The following TULP3 variants were observed in gnomAD, a reference collection of about 807,000 sequenced individuals.
The protein encoded by TULP3 is tubby-related protein 3.
A neutral mutation model predicts 50.7 loss-of-function variants in TULP3; 38 were observed. The ratio of observed to expected loss-of-function variants is 0.75; its 90% CI spans 0.58 to 0.98. The LOEUF (loss-of-function observed/expected upper bound fraction) is 0.98, where lower values mean the gene tolerates loss of function less well. TULP3 is among the 50% of genes least tolerant of loss of function. The pLI is 0.00. For missense variants in TULP3, 550 were observed against 568.0 expected, an observed-to-expected ratio of 0.97 and a Z score of 0.32; for synonymous variants, 183 against 196.6, an observed-to-expected ratio of 0.93 and a Z score of 0.58.
At chr12:2,910,546 ATACAT>A (rs1424787988) in intron 2 of TULP3, among the ~76,000 whole-genome samples, 3 of 152,180 alleles carry the variant, frequency 2.0e-5, no homozygotes, top group Non-Finnish European at 4.4e-5. Flanking sequence ...TATACCCAAC[ATACAT>A]TGCATTTATA....
chr12:2,929,186 G>T (rs1430183760), intron 4 of TULP3, among the ~76,000 whole-genome samples: 2 of 151,884 alleles, frequency 1.3e-5, no homozygotes, highest in Non-Finnish European at 2.9e-5. Flanking sequence ...GCATGGTGGC[G>T]CGCGCCTGTA....
At chr12:2,910,064 A>T (rs2098184585) in intron 2 of TULP3, among the ~76,000 whole-genome samples, 2 of 152,152 alleles carry the variant, frequency 1.3e-5, no homozygotes, top group South Asian at 4.1e-4. Context: ...AGGCCGAGGC[A>T]GGCAGATCAC....
At chr12:2,894,660 C>T (rs550068868) in intron 1 of TULP3, among the ~76,000 whole-genome samples, 28 of 152,054 alleles carry the variant, frequency 1.8e-4, no homozygotes, top group Non-Finnish European at 3.5e-4. Context: ...CTTTGGGAGG[C>T]GGAGGTGGGC....
At chr12:2,936,570 C>T (rs896264893) in intron 8 of TULP3, among the ~76,000 whole-genome samples, 13 of 148,950 alleles carry the variant, frequency 8.7e-5, no homozygotes, top group Middle Eastern at 3.2e-3. Context: ...GGAGAAACCC[C>T]GTCTCGACTA....
At chr12:2,894,977 A>G (rs1223453527) in intron 1 of TULP3, among the ~76,000 whole-genome samples, 2 of 152,220 alleles carry the variant, frequency 1.3e-5, no homozygotes, top group African/African-American at 2.4e-5. Flanking sequence ...ACCCCTGAGA[A>G]GGGAGAATTG....
chr12:2,898,480 C>T (rs536294444), intron 1 of TULP3, among the ~76,000 whole-genome samples: 8 of 152,128 alleles, frequency 5.3e-5, no homozygotes, highest in African/African-American at 1.7e-4. Context: ...TCCTTTTCTG[C>T]GAAGGTCTTA....
At chr12:2,901,692 A>C (rs573518229) in intron 1 of TULP3, among the ~76,000 whole-genome samples, 1 of 152,090 alleles carries the variant, frequency 6.6e-6, no homozygotes, top group South Asian at 2.1e-4. Flanking sequence ...TCCAATTTTT[A>C]GTTAGGTTGT....
chr12:2,938,355 C>CCAT, intron 10 of TULP3, 70 bp downstream of exon 10: 4 of 1,503,824 alleles, frequency 2.7e-6, no homozygotes, highest in Non-Finnish European at 3.6e-6. Flanking sequence ...ATGCACATTC[C>CCAT]CTGTACATGA....
intron 2 of TULP3, among the ~76,000 whole-genome samples, chr12:2,917,133 C>T (rs1011027273): frequency 2.0e-5 from 3 of 152,154 alleles, no homozygotes; most frequent in Non-Finnish European, 4.4e-5. Flanking sequence ...ATAAAGGGAG[C>T]TCTACTCTTT....
intron 2 of TULP3, among the ~76,000 whole-genome samples, chr12:2,914,363 A>T (rs963362731): frequency 6.6e-6 from 1 of 152,020 alleles, no homozygotes; most frequent in Non-Finnish European, 1.5e-5. Context: ...ACCTCAGGTG[A>T]TCTGCTCGCC....
At chr12:2,908,675 C>T (rs1174861398) in intron 1 of TULP3, among the ~76,000 whole-genome samples, 1 of 152,168 alleles carries the variant, frequency 6.6e-6, no homozygotes, top group Admixed American at 6.6e-5. Context: ...CTGCCTTGAC[C>T]TCCCAAAGTG....
At position 2,940,769 on chromosome 12, in the gene TULP3, C is replaced by A; in HGVS notation, c.*1325C>A. The A allele has an allele frequency of 6.7e-7, 1 of 1,495,370 alleles. No homozygotes were observed. The highest frequency in any genetic ancestry group is 1.3e-5 in the South Asian group (1 of 78,044). 92.6% of individuals were successfully genotyped at this position (1,495,370 alleles called of 1,614,324 possible). On this transcript the variant is annotated 3_prime_UTR_variant, in exon 11 of 11. Coordinates refer to ENST00000448120, the MANE Select transcript of TULP3 (RefSeq NM_003324.5). ...GCTGCGGGACCCTTGGCTTGTCCCC[C>A]ACCGACAAGTCCCACCTGCTGGGTG...
chr12:2,920,100 C>T (rs1029460206), intron 2 of TULP3, among the ~76,000 whole-genome samples: 4 of 151,780 alleles, frequency 2.6e-5, no homozygotes, highest in Admixed American at 6.6e-5. Context: ...AGAAACCACC[C>T]TTGCTGTGTT....
intron 1 of TULP3, among the ~76,000 whole-genome samples, chr12:2,907,440 A>G (rs945877841): frequency 2.1e-5 from 3 of 142,262 alleles, no homozygotes; most frequent in Non-Finnish European, 3.0e-5. Flanking sequence ...GTGCCACTGC[A>G]CTCCAGCCTG....
At chr12:2,899,496 A>C (rs1025259602) in intron 1 of TULP3, among the ~76,000 whole-genome samples, 1 of 152,290 alleles carries the variant, frequency 6.6e-6, no homozygotes, top group East Asian at 1.9e-4. Context: ...ATAGTTATTC[A>C]TACTGTGAAT....
rs562696009 is a variant in TULP3 at position 2,899,358 on chromosome 12, A to C, written c.41+8370A>C. 3.3e-3 allele frequency among the ~76,000 whole-genome samples: 501 copies of C among 151,920 alleles called. 2 individuals are homozygous for C. The highest frequency in any genetic ancestry group is 5.4e-3 in the Non-Finnish European group (367 of 67,954). ...GAAACGACGTCTCAAAAAAAAAAAAAAAAAAACAGCGAAATTCATTCTTAG... is the reference window on the plus strand; with the variant it reads ...GAAACGACGTCTCAAAAAAAAAAAACAAAAAACAGCGAAATTCATTCTTAG... On this transcript the variant is annotated intron_variant, in intron 1 of 10. Transcript: ENST00000448120.
chr12:2,901,100 A>C (rs1475497651), intron 1 of TULP3, among the ~76,000 whole-genome samples: 1 of 151,374 alleles, frequency 6.6e-6, no homozygotes, highest in Non-Finnish European at 1.5e-5. Flanking sequence ...TCTTTTGTGA[A>C]TATTTTGGGC....
Position 2,895,701 on chromosome 12 carries a change from T to G in TULP3, c.41+4713T>G, listed in dbSNP as rs971249791. 1.6e-4 allele frequency among the ~76,000 whole-genome samples: 25 copies of G among 152,198 alleles called. 1 individual carries two copies. Among genetic ancestry groups the G allele is most frequent in the Admixed American group, 1.3e-3 (20 of 15,270 alleles). ...GCCTCTTTCACTCTATACAGTTATTTGCCACTTAATGATGGGGATGCATTC... is the reference window on the plus strand; with the variant it reads ...GCCTCTTTCACTCTATACAGTTATTGGCCACTTAATGATGGGGATGCATTC... On this transcript the variant is annotated intron_variant, in intron 1 of 10. Transcript: ENST00000448120.
Position 2,920,897 on chromosome 12 carries a change from T to A in TULP3, c.228T>A (p.Thr76=). Residue 76 remains threonine (T), a synonymous_variant, in exon 3 of 11, where the codon ACT becomes ACA. Transcript: ENST00000448120. ...DEQTPLVNCH[T]PHSNVILHGI... ...AGACTCCCTTGGTGAACTGTCATAC[T>A]CCCCACAGCAATGTCATCTTACATG... is the stretch of plus-strand genomic sequence containing the variant. The A allele has an allele frequency of 6.2e-7, 1 of 1,614,078 alleles. No individual in the cohort carries two copies.
Sources: allele counts gnomAD v4.1 joint callset (sites outside exome capture counted in the v4.1 genomes callset), GRCh38; gene constraint gnomAD v4.1.1; transcripts MANE v1.5; gene names NCBI Gene and HGNC (gene_info 2026-07-23, HGNC 2026-07-21).